The following PLSCR4 variants were observed in gnomAD, a reference collection of about 807,000 sequenced individuals.
The protein encoded by PLSCR4 is phospholipid scramblase 4.
PLSCR4 carries 25 observed loss-of-function variants against 36.3 expected under a neutral mutation model. That is an observed-to-expected ratio of 0.69 (90% CI 0.50 to 0.96). PLSCR4 has a LOEUF of 0.96. PLSCR4 is among the 40% of genes least tolerant of loss of function. The pLI, the probability that PLSCR4 is intolerant of heterozygous loss-of-function variation, is 0.00. For synonymous variants in PLSCR4, 122 were observed against 132.9 expected (o/e 0.92, Z 0.56); for missense variants, 408 against 414.7 (o/e 0.98, Z 0.14).
intron 6 of PLSCR4, 44 bp downstream of exon 6, chr3:146,199,769 G>C: frequency 3.4e-6 from 5 of 1,455,518 alleles, no homozygotes; most frequent in Non-Finnish European, 3.8e-6. Context: ...GCCATGAAGA[G>C]TTAGATCAGA....
chr3:146,232,544 G>T (rs2035754291), intron 1 of PLSCR4, among the ~76,000 whole-genome samples: 1 of 152,066 alleles, frequency 6.6e-6, no homozygotes, highest in Admixed American at 6.5e-5. Context: ...TCTCACTGTA[G>T]AAATCTTTCA....
At chr3:146,197,984 T>C (rs190489761) in intron 6 of PLSCR4, among the ~76,000 whole-genome samples, 1 of 152,262 alleles carries the variant, frequency 6.6e-6, no homozygotes, top group East Asian at 1.9e-4. Flanking sequence ...ATTCATACCA[T>C]GGTATACTAC....
intron 4 of PLSCR4, among the ~76,000 whole-genome samples, chr3:146,205,126 A>C (rs2034253131): frequency 6.6e-6 from 1 of 152,018 alleles, no homozygotes; most frequent in Admixed American, 6.6e-5. Context: ...GGTAAGTATT[A>C]AATTGGGAAG....
chr3:146,199,751 C>T (rs1278939495), intron 6 of PLSCR4, 62 bp downstream of exon 6: 3 of 1,294,298 alleles, frequency 2.3e-6, no homozygotes, highest in Non-Finnish European at 3.3e-6. Context: ...GTGGAAGGAG[C>T]ACACTATGCC....
intron 4 of PLSCR4, among the ~76,000 whole-genome samples, chr3:146,204,297 A>G (rs541851048): frequency 2.0e-5 from 3 of 151,962 alleles, no homozygotes; most frequent in Non-Finnish European, 4.4e-5. Flanking sequence ...GAGGAAAAAG[A>G]TTGGCTCTAT....
chr3:146,213,574 C>T (rs1415665338), intron 3 of PLSCR4, among the ~76,000 whole-genome samples: 4 of 152,164 alleles, frequency 2.6e-5, no homozygotes, highest in South Asian at 4.1e-4. Context: ...CCACCCGCCT[C>T]GGATTCCCAA....
At chr3:146,202,224 T>G (rs1160996525) in intron 4 of PLSCR4, among the ~76,000 whole-genome samples, 1 of 151,788 alleles carries the variant, frequency 6.6e-6, no homozygotes, top group East Asian at 1.9e-4. Flanking sequence ...TTTAGAAAAG[T>G]AGGGTATTAA....
At chr3:146,240,335 C>T (rs1360383247) in intron 1 of PLSCR4, among the ~76,000 whole-genome samples, 3 of 152,118 alleles carry the variant, frequency 2.0e-5, no homozygotes, top group Non-Finnish European at 2.9e-5. Flanking sequence ...TAAGGCCGGT[C>T]ATAGTGGCTC....
At chr3:146,206,798 A>G in intron 3 of PLSCR4, 37 bp from the exon 4 acceptor site, 1 of 1,299,424 alleles carries the variant, frequency 7.7e-7, no homozygotes, top group Non-Finnish European at 1.1e-6. Flanking sequence ...ATATATTATT[A>G]ACACTAAAGT....
chr3:146,247,144 T>C (rs1467187838), intron 1 of PLSCR4, among the ~76,000 whole-genome samples: 3 of 152,196 alleles, frequency 2.0e-5, no homozygotes, highest in Non-Finnish European at 4.4e-5. Context: ...TTTAACTGGC[T>C]GCCTAATGAC....
intron 7 of PLSCR4, among the ~76,000 whole-genome samples, chr3:146,195,860 C>T (rs984492800): frequency 2.0e-5 from 3 of 152,150 alleles, no homozygotes; most frequent in African/African-American, 7.2e-5. Flanking sequence ...ATCTACATTG[C>T]TCTTTTAATA....
intron 6 of PLSCR4, among the ~76,000 whole-genome samples, chr3:146,198,873 T>C (rs1482433616): frequency 2.0e-5 from 3 of 152,134 alleles, no homozygotes; most frequent in Non-Finnish European, 2.9e-5. Context: ...AAGGCTGTTA[T>C]CACAAAGACA....
intron 1 of PLSCR4, among the ~76,000 whole-genome samples, chr3:146,236,697 A>T: frequency 6.6e-6 from 1 of 152,068 alleles, no homozygotes; most frequent in East Asian, 1.9e-4. Context: ...GTCATGTGGA[A>T]CCGTAAGACC....
At chr3:146,225,003 G>A (rs1048989320) in intron 1 of PLSCR4, among the ~76,000 whole-genome samples, 1 of 151,800 alleles carries the variant, frequency 6.6e-6, no homozygotes, top group Non-Finnish European at 1.5e-5. Flanking sequence ...GCTAAACACA[G>A]GGTGCTGATT....
intron 3 of PLSCR4, among the ~76,000 whole-genome samples, chr3:146,207,029 G>A (rs2034372912): frequency 2.0e-5 from 3 of 152,050 alleles, no homozygotes; most frequent in Admixed American, 2.0e-4. Flanking sequence ...TGAAACATTA[G>A]AAGAAACATG....
intron 6 of PLSCR4, 96 bp from the exon 7 acceptor site, chr3:146,196,889 T>C: frequency 1.9e-6 from 2 of 1,028,648 alleles, no homozygotes; most frequent in Non-Finnish European, 1.4e-6. Context: ...CCTCACTCAT[T>C]CAAAGACTAG....
chr3:146,222,609 A>G (rs1448005855), intron 1 of PLSCR4, among the ~76,000 whole-genome samples: 1 of 152,164 alleles, frequency 6.6e-6, no homozygotes, highest in African/African-American at 2.4e-5. Flanking sequence ...GAAGGGAGGA[A>G]AAGAGAAAGT....
chr3:146,232,649 A>T (rs1486556341), intron 1 of PLSCR4, among the ~76,000 whole-genome samples: 1 of 152,060 alleles, frequency 6.6e-6, no homozygotes, highest in Non-Finnish European at 1.5e-5. Context: ...TTTGGCCATT[A>T]CTGGTGTATA....
intron 4 of PLSCR4, among the ~76,000 whole-genome samples, chr3:146,205,755 AT>A (rs1279588217): frequency 6.6e-6 from 1 of 152,116 alleles, no homozygotes; most frequent in Non-Finnish European, 1.5e-5. Flanking sequence ...TCCATTTAAT[AT>A]TTTTGGAACC....
Sources: gnomAD v4.1 joint callset for allele counts (sites outside exome capture counted in the v4.1 genomes callset) on GRCh38, gnomAD v4.1.1 for gene constraint, MANE v1.5 for transcripts, NCBI Gene and HGNC (gene_info 2026-07-23, HGNC 2026-07-21) for gene names.